The following PDE11A variants were observed in gnomAD, a reference collection of about 807,000 sequenced individuals.
PDE11A encodes the protein dual 3',5'-cyclic-AMP and -GMP phosphodiesterase 11A.
A neutral mutation model predicts 100.5 loss-of-function variants in PDE11A; 100 were observed. The observed-to-expected ratio is 1.00, with a 90% CI of 0.85 to 1.18. The LOEUF (loss-of-function observed/expected upper bound fraction) is 1.18, where lower values mean the gene tolerates loss of function less well. Ranked by LOEUF, PDE11A falls within the 50% of genes most tolerant of loss-of-function variation. The pLI, the probability that PDE11A is intolerant of heterozygous loss-of-function variation, is 0.00. For missense variants in PDE11A, 1,141 were observed against 1,152.6 expected (o/e 0.99, Z 0.15); for synonymous variants, 381 against 420.8 (o/e 0.91, Z 1.16).
At chr2:177,820,517 A>G (rs1366960729) in intron 6 of PDE11A, among the ~76,000 whole-genome samples, 2 of 151,960 alleles carry the variant, frequency 1.3e-5, no homozygotes, top group Non-Finnish European at 2.9e-5. Context: ...TCAACCAAAT[A>G]AATCCAAAAC....
At chr2:177,878,344 C>T (rs1441151678) in intron 4 of PDE11A, among the ~76,000 whole-genome samples, 5 of 152,230 alleles carry the variant, frequency 3.3e-5, no homozygotes, top group East Asian at 1.9e-4. Context: ...TCCTTAAATC[C>T]GGTGGGCTTC....
intron 2 of PDE11A, chr2:177,998,655 G>A: frequency 7.9e-7 from 1 of 1,259,098 alleles, no homozygotes. Context: ...TTTTTCCTTA[G>A]TACCACCTTT....
At chr2:177,745,263 G>A (rs1226675203) in intron 10 of PDE11A, among the ~76,000 whole-genome samples, 1 of 152,212 alleles carries the variant, frequency 6.6e-6, no homozygotes, top group Non-Finnish European at 1.5e-5. Context: ...CTTTGGGAGA[G>A]TTAGCATTTT....
intron 2 of PDE11A, among the ~76,000 whole-genome samples, chr2:177,955,812 G>A (rs932980451): frequency 1.3e-5 from 2 of 152,132 alleles, no homozygotes; most frequent in Admixed American, 6.5e-5. Context: ...AATGGGGAAA[G>A]GATTCCCTAT....
intron 19 of PDE11A, among the ~76,000 whole-genome samples, chr2:177,631,322 A>AAAAAAAAAAAAAAAAAAAAAAAC (rs1469522170): frequency 5.9e-4 from 10 of 16,880 alleles, no homozygotes; most frequent in Middle Eastern, 0.038. Context: ...AAAAAAAAAA[A>AAAAAAAAAAAAAAAAAAAAAAAC]CAACCTAGGC....
chr2:178,001,432 T>C (rs1024101060), intron 2 of PDE11A, among the ~76,000 whole-genome samples: 5 of 152,144 alleles, frequency 3.3e-5, no homozygotes, highest in African/African-American at 4.8e-5. Flanking sequence ...GATCTTTATC[T>C]GCCTTCAATA....
intron 2 of PDE11A, among the ~76,000 whole-genome samples, chr2:177,979,189 A>G (rs981001482): frequency 2.0e-5 from 3 of 150,590 alleles, no homozygotes; most frequent in Non-Finnish European, 3.0e-5. Flanking sequence ...TCACCATAGC[A>G]TGCATATGTC....
chr2:177,852,863 G>C (rs757327171), intron 5 of PDE11A, among the ~76,000 whole-genome samples: 7 of 152,146 alleles, frequency 4.6e-5, no homozygotes, highest in Non-Finnish European at 1.0e-4. Flanking sequence ...TTAATGTCTT[G>C]CCTGAGGACA....
chr2:177,825,386 A>G (rs911723404), intron 6 of PDE11A, among the ~76,000 whole-genome samples: 1 of 152,212 alleles, frequency 6.6e-6, no homozygotes, highest in African/African-American at 2.4e-5. Flanking sequence ...GATGAGCCCA[A>G]TCAGGTGGGA....
At chr2:177,733,082 A>G (rs2081717909) in intron 10 of PDE11A, among the ~76,000 whole-genome samples, 1 of 152,230 alleles carries the variant, frequency 6.6e-6, no homozygotes, top group Non-Finnish European at 1.5e-5. Context: ...TCCAGTAAAC[A>G]GAAAATGAGA....
At chr2:177,959,881 T>C (rs563131042) in intron 2 of PDE11A, among the ~76,000 whole-genome samples, 22 of 152,298 alleles carry the variant, frequency 1.4e-4, no homozygotes, top group Middle Eastern at 3.4e-3. Context: ...ATTTTCGGTA[T>C]TAGAAATACT....
At chr2:177,958,096 G>A (rs1203523144) in intron 2 of PDE11A, among the ~76,000 whole-genome samples, 1 of 151,906 alleles carries the variant, frequency 6.6e-6, no homozygotes, top group Admixed American at 6.6e-5. Context: ...TCATCATGTT[G>A]GCTAGGCTGG....
chr2:178,086,302 T>A (rs930817495), intron 2 of PDE11A, among the ~76,000 whole-genome samples: 1 of 152,160 alleles, frequency 6.6e-6, no homozygotes, highest in African/African-American at 2.4e-5. Context: ...TTCTATCACA[T>A]CCTATTGGTT....
At chr2:177,680,276 C>T (rs553380631) in intron 16 of PDE11A, among the ~76,000 whole-genome samples, 41 of 152,230 alleles carry the variant, frequency 2.7e-4, no homozygotes, top group Non-Finnish European at 5.0e-4. Context: ...ATAGTGCCCA[C>T]TCTCTGGAGT....
At chr2:177,637,974 C>T (rs2080071271) in intron 19 of PDE11A, among the ~76,000 whole-genome samples, 1 of 91,752 alleles carries the variant, frequency 1.1e-5, no homozygotes, top group Non-Finnish European at 2.5e-5. Context: ...TATATATATA[C>T]ACGTGTATAT....
At chr2:177,688,850 T>C (rs1574046408) in intron 15 of PDE11A, among the ~76,000 whole-genome samples, 1 of 152,262 alleles carries the variant, frequency 6.6e-6, no homozygotes, top group Admixed American at 6.5e-5. Context: ...AACTTTCTGG[T>C]TTGTAATTTA....
At chr2:177,907,837 A>G (rs1157145401) in intron 2 of PDE11A, among the ~76,000 whole-genome samples, 2 of 152,216 alleles carry the variant, frequency 1.3e-5, no homozygotes, top group African/African-American at 4.8e-5. Context: ...CTGTCATGCA[A>G]TCTACTATAT....
chr2:177,907,605 T>C (rs935918458), intron 2 of PDE11A, among the ~76,000 whole-genome samples: 4 of 152,228 alleles, frequency 2.6e-5, no homozygotes, highest in African/African-American at 9.6e-5. Context: ...GGATATTTTA[T>C]GTTTCTGTAC....
intron 10 of PDE11A, among the ~76,000 whole-genome samples, chr2:177,755,449 A>C (rs1407587162): frequency 6.6e-6 from 1 of 152,192 alleles, no homozygotes; most frequent in Non-Finnish European, 1.5e-5. Flanking sequence ...CCTGCCATAA[A>C]AGAGGGCATG....
Sources: allele counts gnomAD v4.1 joint callset (sites outside exome capture counted in the v4.1 genomes callset), GRCh38; gene constraint gnomAD v4.1.1; transcripts MANE v1.5; gene names NCBI Gene and HGNC (gene_info 2026-07-23, HGNC 2026-07-21).